ABCA13: variants seen among roughly 807,000 people sequenced by gnomAD.
ABCA13 encodes ATP binding cassette subfamily A member 13.
ABCA13 carries 476 observed loss-of-function variants against 478.7 expected under a neutral mutation model. The ratio of observed to expected loss-of-function variants is 0.99; its 90% CI spans 0.92 to 1.07. The LOEUF (loss-of-function observed/expected upper bound fraction) is 1.07, where lower values mean the gene tolerates loss of function less well. ABCA13 is among the 50% of genes least tolerant of loss of function. The pLI is 0.00. For synonymous variants in ABCA13, 2,252 were observed against 2,158.9 expected (o/e 1.04, Z -1.20); for missense variants, 6,060 against 5,910.6 (o/e 1.03, Z -0.83).
At chr7:48,530,045 A>G (rs1215828856) in intron 55 of ABCA13, among the ~76,000 whole-genome samples, 2 of 152,088 alleles carry the variant, frequency 1.3e-5, no homozygotes, top group African/African-American at 4.8e-5. Context: ...CTAATTGTGT[A>G]GTCTTTTATC....
At chr7:48,266,703 C>T (rs1453156297) in intron 15 of ABCA13, among the ~76,000 whole-genome samples, 1 of 151,600 alleles carries the variant, frequency 6.6e-6, no homozygotes, top group Admixed American at 6.6e-5. Context: ...TCCTTGATTT[C>T]CACTCTTCTT....
At chr7:48,547,085 ATGTT>A (rs1343612525) in intron 55 of ABCA13, among the ~76,000 whole-genome samples, 3 of 151,910 alleles carry the variant, frequency 2.0e-5, no homozygotes, top group Non-Finnish European at 4.4e-5. Context: ...CTGTGCCTCT[ATGTT>A]TGTATGTATC....
At chr7:48,377,284 A>G (rs920353884) in intron 35 of ABCA13, among the ~76,000 whole-genome samples, 2 of 151,784 alleles carry the variant, frequency 1.3e-5, no homozygotes, top group Non-Finnish European at 2.9e-5. Context: ...TTTTTGGTTC[A>G]GGCCCGAAAG....
chr7:48,636,259 AAGCAAGGAGTC>A (rs1259259845), intron 59 of ABCA13, among the ~76,000 whole-genome samples: 1 of 152,220 alleles, frequency 6.6e-6, no homozygotes, highest in Non-Finnish European at 1.5e-5. Flanking sequence ...ACTGTTCACA[AAGCAAGGAGTC>A]AGCCGCCTCC....
chr7:48,316,817 T>C (rs958232190), intron 26 of ABCA13, among the ~76,000 whole-genome samples: 1 of 152,064 alleles, frequency 6.6e-6, no homozygotes, highest in Non-Finnish European at 1.5e-5. Context: ...CCAGGCTGTT[T>C]TATTTACTTA....
In ABCA13 at chr7:48,388,711, C is replaced by G. The variant is rs1188238266; in HGVS notation, c.11474-329C>G. 3.9e-5 allele frequency among the ~76,000 whole-genome samples: 6 copies of G among 152,220 alleles called. No homozygotes were observed. In the East Asian group the frequency reaches 1.2e-3, roughly 29 times the overall value. ...TATCCACTCTCACGTCCTCAGGAGACTATTTCTCATGAACATTTTATGTGT... is the reference window on the plus strand; with the variant it reads ...TATCCACTCTCACGTCCTCAGGAGAGTATTTCTCATGAACATTTTATGTGT... On this transcript the variant is annotated intron_variant, in intron 36 of 61. Transcript: ENST00000435803.
intron 29 of ABCA13, among the ~76,000 whole-genome samples, chr7:48,346,382 C>T (rs550207542): frequency 3.3e-5 from 5 of 152,072 alleles, no homozygotes; most frequent in Non-Finnish European, 2.9e-5. Flanking sequence ...TGTTTAACCA[C>T]GCTTGCTAGG....
At chr7:48,612,804 C>T (rs1241091994) in intron 58 of ABCA13, among the ~76,000 whole-genome samples, 1 of 151,960 alleles carries the variant, frequency 6.6e-6, no homozygotes, top group Admixed American at 6.6e-5. Context: ...TTTTTACTCC[C>T]ACCAGCAATA....
intron 23 of ABCA13, among the ~76,000 whole-genome samples, chr7:48,303,492 C>T (rs1046886479): frequency 6.6e-6 from 1 of 152,048 alleles, no homozygotes; most frequent in African/African-American, 2.4e-5. Flanking sequence ...ATCTTTAACC[C>T]ATCTTGAGTT....
Position 48,612,946 on chromosome 7 carries a change from A to G in ABCA13, c.14745-2339A>G, listed in dbSNP as rs189098379. ...AACCCCTCGTTTTTCTCTACAATAC[A>G]CAAAAGTACACATGAACACTTTTCC... On this transcript the variant is annotated intron_variant, in intron 58 of 61. Transcript: ENST00000435803. Among the ~76,000 whole-genome samples, 211 of 152,248 alleles carry G rather than the reference A, an allele frequency of 1.4e-3. 2 individuals are homozygous for G. The highest frequency in any genetic ancestry group is 4.8e-3 in the African/African-American group (201 of 41,570).
At chr7:48,219,609 T>C in intron 4 of ABCA13, 104 bp downstream of exon 4, 1 of 1,408,212 alleles carries the variant, frequency 7.1e-7, no homozygotes, top group Non-Finnish European at 9.6e-7. Flanking sequence ...AACTCCTGCC[T>C]GTGCTAAACT....
chr7:48,273,968 A>G lies in ABCA13; in HGVS notation c.4302A>G (p.Ile1434Met), dbSNP rs1795960409. The change falls in exon 17 of 62, where the codon ATA becomes ATG. Residue 1434 changes from isoleucine (I) to methionine (M), a missense_variant. Physicochemically the swap from Ile to Met is conservative, Grantham distance 10. Transcript: ENST00000435803. ...ATATAGAAAACAAAATGAACTCTAT[A>G]TTAAAAATTGTAACTTGGGTGTTAA... is the stretch of plus-strand genomic sequence containing the variant. ...FRDIENKMNS[I>M]LKIVTWVLNI... 1 of 1,610,312 alleles carries G rather than the reference A, an allele frequency of 6.2e-7. No individual in the cohort carries two copies. The highest frequency in any genetic ancestry group is 1.7e-5 in the Admixed American group (1 of 59,774).
At chr7:48,236,522 C>T (rs1789973064) in intron 8 of ABCA13, among the ~76,000 whole-genome samples, 1 of 152,114 alleles carries the variant, frequency 6.6e-6, no homozygotes, top group South Asian at 2.1e-4. Context: ...TTGCTTTTTC[C>T]AGCTTCCAGT....
At chr7:48,260,278 C>T (rs1348595741) in intron 15 of ABCA13, among the ~76,000 whole-genome samples, 1 of 152,010 alleles carries the variant, frequency 6.6e-6, no homozygotes, top group Non-Finnish European at 1.5e-5. Flanking sequence ...TGAATACAGT[C>T]AGTTGACTCC....
At chr7:48,280,617 G>C (rs957064521) in intron 18 of ABCA13, among the ~76,000 whole-genome samples, 6 of 149,398 alleles carry the variant, frequency 4.0e-5, no homozygotes, top group African/African-American at 9.7e-5. Context: ...CCTGGTCTCT[G>C]TTTCTCCCTG....
Position 48,396,360 on chromosome 7 carries a change from CT to C in ABCA13, c.11873+4229del, listed in dbSNP as rs963869328. Reference sequence around the variant, plus strand: ...AGGAGGACTTTCATTTGTTTAACATCTTTTTTTTGTGCCAGCCGCTATGGTG... The same window carrying C: ...AGGAGGACTTTCATTTGTTTAACATCTTTTTTTGTGCCAGCCGCTATGGTG... On this transcript the variant is annotated intron_variant, in intron 38 of 61. Transcript: ENST00000435803. Among the ~76,000 whole-genome samples, 17 of 152,196 alleles carry C rather than the reference CT, an allele frequency of 1.1e-4. No homozygotes were observed. In the South Asian group the frequency reaches 3.3e-3, roughly 30 times the overall value.
chr7:48,195,649 T>C (rs1279875298), intron 2 of ABCA13, among the ~76,000 whole-genome samples: 1 of 152,152 alleles, frequency 6.6e-6, no homozygotes, highest in African/African-American at 2.4e-5. Flanking sequence ...GTGAGTCGCC[T>C]AATCAATCAG....
intron 49 of ABCA13, 40 bp from the exon 50 acceptor site, chr7:48,507,829 GTTC>G: frequency 6.5e-7 from 1 of 1,534,402 alleles, no homozygotes; most frequent in South Asian, 1.2e-5. Context: ...GAAGGCTTGT[GTTC>G]TTCGTCAGGT....
At chr7:48,600,518 A>T (rs1585937280) in intron 58 of ABCA13, among the ~76,000 whole-genome samples, 1 of 152,130 alleles carries the variant, frequency 6.6e-6, no homozygotes. Flanking sequence ...AGCCTTATAT[A>T]TTAAATGAAT....
Sources: gnomAD v4.1 joint callset for allele counts (sites outside exome capture counted in the v4.1 genomes callset) on GRCh38, gnomAD v4.1.1 for gene constraint, MANE v1.5 for transcripts, NCBI Gene and HGNC (gene_info 2026-07-23, HGNC 2026-07-21) for gene names.